The following ATPAF2 variants were observed in gnomAD, a reference collection of about 807,000 sequenced individuals.
The protein encoded by ATPAF2 is ATP synthase mitochondrial F1 complex assembly factor 2.
A neutral mutation model predicts 36.6 loss-of-function variants in ATPAF2; 30 were observed. The ratio of observed to expected loss-of-function variants is 0.82; its 90% CI spans 0.61 to 1.11. The LOEUF is 1.11. Ranked by LOEUF, ATPAF2 falls within the 50% of genes most tolerant of loss-of-function variation. The pLI is 0.00. For missense variants in ATPAF2, 321 were observed against 372.3 expected, an observed-to-expected ratio of 0.86 and a Z score of 1.13; for synonymous variants, 140 against 152.6, an observed-to-expected ratio of 0.92 and a Z score of 0.61.
At position 18,018,480 on chromosome 17, in the gene ATPAF2, G is replaced by T; in HGVS notation, c.*69C>A. 1 of 1,602,698 alleles carries T rather than the reference G, an allele frequency of 6.2e-7. No individual in the cohort carries two copies. On this transcript the variant is annotated 3_prime_UTR_variant, in exon 8 of 8. Coordinates refer to ENST00000474627, the MANE Select transcript of ATPAF2 (RefSeq NM_145691.4). Reference sequence around the variant, plus strand: ...CAAGGAAGCCAGCCCCACAGGCTGGGGAGCCCTGAAGGCCGGGGGAGCTGT... The same window carrying T: ...CAAGGAAGCCAGCCCCACAGGCTGGTGAGCCCTGAAGGCCGGGGGAGCTGT...
Position 18,018,178 on chromosome 17 carries a change from T to TA in ATPAF2, c.*370dup. 3.1e-6 allele frequency: 1 copy of TA among 326,542 alleles called. No homozygotes were observed. The highest frequency in any genetic ancestry group is 5.9e-6 in the Non-Finnish European group (1 of 168,688). 20.2% of individuals were successfully genotyped at this position (326,542 alleles called of 1,614,324 possible). On this transcript the variant is annotated 3_prime_UTR_variant, in exon 8 of 8. Transcript: ENST00000474627. ...AGATATCCAAACACGCCATGGGAGA[T>TA]AAGCTGTTTAACCCTCTGGAACCTA... is the stretch of plus-strand genomic sequence containing the variant.
chr17:18,016,335 A>G, downstream of ATPAF2: 2 of 1,001,366 alleles, frequency 2.0e-6, no homozygotes, highest in Non-Finnish European at 1.5e-6. Flanking sequence ...AGAATTCCAC[A>G]CTGAAGACAA....
intron 7 of ATPAF2, 32 bp downstream of exon 7, chr17:18,021,091 G>A: frequency 1.3e-6 from 2 of 1,598,770 alleles, no homozygotes; most frequent in Non-Finnish European, 1.7e-6. Context: ...AACTAGGAAG[G>A]GGGAGGCGGG....
chr17:18,022,673 GC>G (rs1001115296), intron 5 of ATPAF2, among the ~76,000 whole-genome samples: 6 of 150,034 alleles, frequency 4.0e-5, no homozygotes, highest in African/African-American at 1.5e-4. Flanking sequence ...CATGATCTCG[GC>G]TCACTGCGAC....
chr17:18,038,769 T>C (rs1480883079), intron 1 of ATPAF2, 112 bp downstream of exon 1: 2 of 1,494,122 alleles, frequency 1.3e-6, no homozygotes, highest in Non-Finnish European at 1.8e-6. Flanking sequence ...CTGGCCTGCA[T>C]AACCTCATGA....
rs2044471432 is a variant in ATPAF2, at chr17:18,021,737, A to G, written c.616+8T>C. 1.2e-6 allele frequency: 2 copies of G among 1,612,870 alleles called. No individual in the cohort carries two copies. Among genetic ancestry groups the G allele is most frequent in the South Asian group, 2.2e-5 (2 of 91,040 alleles). On this transcript the variant is annotated splice_region_variant and intron_variant, in intron 6 of 7. Coordinates refer to ENST00000474627, the MANE Select transcript of ATPAF2 (RefSeq NM_145691.4). ...ACCTGCCAAGCCCACAAGAAACTCC[A>G]TACATGCCTTGTAAAGCCCATGTGT...
At chr17:18,018,809 A>G in intron 7 of ATPAF2, 123 bp from the exon 8 acceptor site, 2 of 1,410,556 alleles carry the variant, frequency 1.4e-6, no homozygotes, top group African/African-American at 1.4e-5. Flanking sequence ...GCCAAAACAC[A>G]TGAGACATGC....
intron 4 of ATPAF2, chr17:18,025,163 CT>C: frequency 3.3e-6 from 1 of 302,100 alleles, no homozygotes; most frequent in Non-Finnish European, 6.4e-6. Context: ...GATGCTCAGT[CT>C]TTGCATCTCT....
chr17:18,024,893 T>G (rs2044522489), intron 4 of ATPAF2, 189 bp from the exon 5 acceptor site: 3 of 626,248 alleles, frequency 4.8e-6, no homozygotes, highest in Non-Finnish European at 5.7e-6. Flanking sequence ...GGGAACTTGT[T>G]AGAAATACAC....
chr17:18,029,879 T>TAAAAA (rs771131818), intron 1 of ATPAF2, among the ~76,000 whole-genome samples: 5 of 53,198 alleles, frequency 9.4e-5, no homozygotes, highest in Non-Finnish European at 1.7e-4. Flanking sequence ...CCTTTAACGC[T>TAAAAA]AAAAAAAAAA....
chr17:18,023,292 G>A lies in ATPAF2; in HGVS notation c.503+1332C>T, dbSNP rs185016055. On this transcript the variant is annotated intron_variant, in intron 5 of 7. Transcript: ENST00000474627. ...CTAAAAACACAAAAATTAGCTGGGC[G>A]TGGTGGGCGCCTGTAATCCCAGCTA... Among the ~76,000 whole-genome samples, 220 of 151,766 alleles carry A rather than the reference G, an allele frequency of 1.4e-3. 1 individual carries two copies. The highest frequency in any genetic ancestry group is 5.0e-3 in the African/African-American group (208 of 41,372).
intron 6 of ATPAF2, 184 bp from the exon 7 acceptor site, chr17:18,021,422 C>T (rs1264386948): frequency 1.5e-6 from 1 of 671,786 alleles, no homozygotes; most frequent in Non-Finnish European, 2.7e-6. Context: ...CTGCTCTTAC[C>T]TAGTGAGACA....
At chr17:18,035,189 A>G (rs1251148246) in intron 1 of ATPAF2, among the ~76,000 whole-genome samples, 1 of 152,130 alleles carries the variant, frequency 6.6e-6, no homozygotes, top group African/African-American at 2.4e-5. Context: ...TGATCGTGCC[A>G]CTACACTCCA....
At chr17:18,022,466 G>A (rs2044482836) in intron 5 of ATPAF2, among the ~76,000 whole-genome samples, 2 of 151,960 alleles carry the variant, frequency 1.3e-5, no homozygotes, top group Admixed American at 6.6e-5. Flanking sequence ...TGTAGAGACA[G>A]AGTTTCACCA....
chr17:18,030,514 A>AG (rs1007381759), intron 1 of ATPAF2, among the ~76,000 whole-genome samples: 2 of 101,368 alleles, frequency 2.0e-5, no homozygotes, highest in African/African-American at 1.0e-4. Flanking sequence ...TCTCTTGGGG[A>AG]AAAAAAAAAA....
At chr17:18,036,460 C>G (rs1056277070) in intron 1 of ATPAF2, among the ~76,000 whole-genome samples, 22 of 151,984 alleles carry the variant, frequency 1.4e-4, no homozygotes, top group African/African-American at 4.8e-4. Flanking sequence ...CCTGTAGTCC[C>G]AGCTACTCGG....
chr17:18,032,416 G>A (rs1438400492), intron 1 of ATPAF2, among the ~76,000 whole-genome samples: 2 of 152,124 alleles, frequency 1.3e-5, no homozygotes, highest in East Asian at 3.8e-4. Flanking sequence ...TGGAGGGCAG[G>A]GAAGAAGCCA....
intron 1 of ATPAF2, among the ~76,000 whole-genome samples, chr17:18,030,336 A>G (rs1175902588): frequency 5.5e-4 from 82 of 148,880 alleles, no homozygotes; most frequent in Non-Finnish European, 5.8e-4. Flanking sequence ...AAAAAAAAAA[A>G]AAAAAAAGAA....
chr17:18,021,741 A>C lies in ATPAF2; in HGVS notation c.616+4T>G. 1 of 1,613,250 alleles carries C rather than the reference A, an allele frequency of 6.2e-7. No individual in the cohort carries two copies. Among genetic ancestry groups the C allele is most frequent in the Non-Finnish European group, 8.5e-7 (1 of 1,179,506 alleles). ...GCCAAGCCCACAAGAAACTCCATACATGCCTTGTAAAGCCCATGTGTTGTA... is the reference window on the plus strand; with the variant it reads ...GCCAAGCCCACAAGAAACTCCATACCTGCCTTGTAAAGCCCATGTGTTGTA... On this transcript the variant is annotated splice_donor_region_variant and intron_variant, in intron 6 of 7. Transcript: ENST00000474627.
Sources: gnomAD v4.1 joint callset for allele counts (sites outside exome capture counted in the v4.1 genomes callset) on GRCh38, gnomAD v4.1.1 for gene constraint, MANE v1.5 for transcripts, NCBI Gene and HGNC (gene_info 2026-07-23, HGNC 2026-07-21) for gene names.